The following NAV3 variants were observed in gnomAD, a reference collection of about 807,000 sequenced individuals.
The protein encoded by NAV3 is neuron navigator 3.
A neutral mutation model predicts 244.7 loss-of-function variants in NAV3; 87 were observed. That is an observed-to-expected ratio of 0.36 (90% CI 0.30 to 0.42). The LOEUF (loss-of-function observed/expected upper bound fraction) is 0.42. Among genes scored for constraint, NAV3 ranks in the 20% least tolerant of loss-of-function variants. The pLI is 1.00. For synonymous variants in NAV3, 1,126 were observed against 1,042.2 expected, an observed-to-expected ratio of 1.08 and a Z score of -1.55; for missense variants, 2,663 against 2,893.3, an observed-to-expected ratio of 0.92 and a Z score of 1.83.
intron 39 of NAV3, among the ~76,000 whole-genome samples, chr12:78,206,946 C>T (rs990660492): frequency 2.7e-5 from 4 of 150,546 alleles, no homozygotes; most frequent in East Asian, 2.0e-4. Flanking sequence ...ACAACCTCCG[C>T]CCCCCGAGTT....
chr12:77,962,614 G>C (rs2464130), intron 3 of NAV3, among the ~76,000 whole-genome samples: 132,541 of 152,112 alleles, frequency 0.87, 57,813 homozygotes, highest in East Asian at 0.98. Flanking sequence ...AATATGCCCC[G>C]TACTGCATAC....
intron 2 of NAV3, among the ~76,000 whole-genome samples, chr12:77,724,304 T>A (rs1427605121): frequency 1.3e-5 from 2 of 151,966 alleles, no homozygotes; most frequent in Non-Finnish European, 2.9e-5. Context: ...AGAATAGAAA[T>A]GTTAAAAAAC....
At chr12:77,903,115 A>G (rs1885515507) in intron 1 of NAV3, among the ~76,000 whole-genome samples, 1 of 152,160 alleles carries the variant, frequency 6.6e-6, no homozygotes, top group Non-Finnish European at 1.5e-5. Context: ...GCTACCAATG[A>G]CTTTCTTCAC....
chr12:78,009,685 G>A (rs1187871983), intron 8 of NAV3, among the ~76,000 whole-genome samples: 1 of 152,048 alleles, frequency 6.6e-6, no homozygotes, highest in African/African-American at 2.4e-5. Flanking sequence ...TTTGAAGATT[G>A]AGTTGATATT....
intron 1 of NAV3, among the ~76,000 whole-genome samples, chr12:77,882,299 C>T (rs1432225202): frequency 6.6e-6 from 1 of 152,006 alleles, no homozygotes; most frequent in Non-Finnish European, 1.5e-5. Context: ...ATGTGATTAT[C>T]CACAAGGCTG....
At chr12:78,126,388 C>T (rs1955906117) in intron 16 of NAV3, among the ~76,000 whole-genome samples, 1 of 152,182 alleles carries the variant, frequency 6.6e-6, no homozygotes. Context: ...TGCTTATCCA[C>T]ATGCCAGAGA....
chr12:77,874,095 C>T (rs1178810728), intron 1 of NAV3, among the ~76,000 whole-genome samples: 2 of 152,048 alleles, frequency 1.3e-5, no homozygotes, highest in Non-Finnish European at 1.5e-5. Context: ...AGTTTCTTCT[C>T]AAACCCCCAC....
At chr12:77,804,766 A>G (rs1355287619) in intron 2 of NAV3, among the ~76,000 whole-genome samples, 2 of 152,076 alleles carry the variant, frequency 1.3e-5, no homozygotes, top group African/African-American at 4.8e-5. Flanking sequence ...TTTGGGCAGT[A>G]TGGCCATTTT....
chr12:77,714,314 C>A (rs1466703952), intron 2 of NAV3, among the ~76,000 whole-genome samples: 1 of 152,094 alleles, frequency 6.6e-6, no homozygotes, highest in African/African-American at 2.4e-5. Flanking sequence ...AAAATTTACC[C>A]TACAAAATTC....
intron 2 of NAV3, among the ~76,000 whole-genome samples, chr12:77,798,475 G>T (rs888699231): frequency 1.3e-5 from 2 of 151,952 alleles, no homozygotes; most frequent in Non-Finnish European, 2.9e-5. Context: ...ATTATGAAGA[G>T]TATTTGATTT....
chr12:77,798,183 C>CA (rs889170419), intron 2 of NAV3, among the ~76,000 whole-genome samples: 3 of 150,838 alleles, frequency 2.0e-5, no homozygotes, highest in Non-Finnish European at 4.4e-5. Context: ...AACAAACAAA[C>CA]AAACAGCAAC....
chr12:78,134,991 G>A (rs11833552), intron 18 of NAV3, among the ~76,000 whole-genome samples: 11,419 of 151,990 alleles, frequency 0.075, 491 homozygotes, highest in South Asian at 0.14. Flanking sequence ...TCTTGGCTTC[G>A]AATGGATCTT....
chr12:78,080,203 G>A (rs1235740366), intron 12 of NAV3, among the ~76,000 whole-genome samples: 3 of 152,164 alleles, frequency 2.0e-5, no homozygotes, highest in Non-Finnish European at 4.4e-5. Context: ...AGGTACTCAT[G>A]TGGTCTGATT....
At chr12:77,967,927 T>C (rs1265272606) in intron 4 of NAV3, among the ~76,000 whole-genome samples, 1 of 152,180 alleles carries the variant, frequency 6.6e-6, no homozygotes. Context: ...AAGATATACC[T>C]ACACATACAT....
intron 2 of NAV3, among the ~76,000 whole-genome samples, chr12:77,715,689 C>T (rs1271368626): frequency 6.6e-6 from 1 of 152,054 alleles, no homozygotes; most frequent in East Asian, 1.9e-4. Flanking sequence ...TCTTTTGTAG[C>T]TGTGCCACAG....
chr12:78,155,743 G>A (rs964413794), intron 22 of NAV3, among the ~76,000 whole-genome samples: 3 of 151,612 alleles, frequency 2.0e-5, no homozygotes, highest in Non-Finnish European at 4.4e-5. Flanking sequence ...TGGTTTTGAT[G>A]TTACCCTTTT....
chr12:77,814,372 C>T (rs573286905), intron 2 of NAV3, among the ~76,000 whole-genome samples: 3 of 152,198 alleles, frequency 2.0e-5, no homozygotes, highest in African/African-American at 7.2e-5. Context: ...GCTTTTCTGC[C>T]GTGGTTTGAC....
intron 2 of NAV3, among the ~76,000 whole-genome samples, chr12:77,698,017 T>C (rs1305276515): frequency 2.6e-5 from 4 of 152,122 alleles, no homozygotes; most frequent in African/African-American, 9.7e-5. Context: ...ATTGAGAAGA[T>C]AATTTTTTTT....
rs1234164406 is a variant in NAV3 at position 77,701,545 on chromosome 12, A to G, written c.72+129279A>G. Among the ~76,000 whole-genome samples the G allele has an allele frequency of 2.0e-5, 3 of 151,864 alleles. No homozygotes were observed. In the East Asian group the frequency reaches 5.8e-4, roughly 29 times the overall value. ...TCATACTCTTCATTTTAAGCTGCTCATTCTTTTAGATTCTTAAGTTAGAAA... is the reference window on the plus strand; with the variant it reads ...TCATACTCTTCATTTTAAGCTGCTCGTTCTTTTAGATTCTTAAGTTAGAAA... On this transcript the variant is annotated intron_variant, in intron 2 of 8. Coordinates refer to the NAV3 transcript ENST00000550042.
Sources: gnomAD v4.1 joint callset for allele counts (sites outside exome capture counted in the v4.1 genomes callset) on GRCh38, gnomAD v4.1.1 for gene constraint, MANE v1.5 for transcripts, NCBI Gene and HGNC (gene_info 2026-07-23, HGNC 2026-07-21) for gene names.